The following PKNOX2 variants were observed in gnomAD, a reference collection of about 807,000 sequenced individuals.
PKNOX2 encodes the protein PBX/knotted 1 homeobox 2.
PKNOX2 carries 14 observed loss-of-function variants against 53.1 expected under a neutral mutation model. The observed-to-expected ratio is 0.26, with a 90% CI of 0.17 to 0.41. PKNOX2 has a LOEUF of 0.41. Among genes scored for constraint, PKNOX2 ranks in the 10% least tolerant of loss-of-function variants. The probability of loss-of-function intolerance (pLI) is 1.00; values close to 1 mark genes in which losing one functional copy is unlikely to be tolerated. For missense variants in PKNOX2, 496 were observed against 602.8 expected (o/e 0.82, Z 1.85); for synonymous variants, 257 against 242.8 (o/e 1.06, Z -0.54).
At chr11:125,219,579 A>T (rs570507935) in intron 1 of PKNOX2, among the ~76,000 whole-genome samples, 7 of 152,260 alleles carry the variant, frequency 4.6e-5, no homozygotes, top group Non-Finnish European at 4.4e-5. Context: ...ACAACCCAGT[A>T]GAAAAAATAA....
chr11:125,239,074 CT>C (rs1358219030), intron 2 of PKNOX2, among the ~76,000 whole-genome samples: 3 of 152,212 alleles, frequency 2.0e-5, no homozygotes, highest in African/African-American at 7.2e-5. Context: ...CAGCCATTCA[CT>C]CGCCCAGTAA....
intron 8 of PKNOX2, chr11:125,410,544 A>G: frequency 7.1e-6 from 5 of 705,042 alleles, no homozygotes; most frequent in Non-Finnish European, 1.2e-5. Context: ...TGAGCCCCTG[A>G]GAGGACCAAG....
intron 2 of PKNOX2, among the ~76,000 whole-genome samples, chr11:125,290,855 G>C (rs12806323): frequency 0.16 from 23,940 of 151,858 alleles, 2,007 homozygotes; most frequent in East Asian, 0.23. Flanking sequence ...GGAGGGTGCC[G>C]AGCTCCACTG....
At chr11:125,406,886 T>C (rs1490052935) in intron 7 of PKNOX2, among the ~76,000 whole-genome samples, 1 of 123,542 alleles carries the variant, frequency 8.1e-6, no homozygotes, top group Non-Finnish European at 1.6e-5. Flanking sequence ...TGGGTGAGGG[T>C]CTTGACCCAG....
intron 2 of PKNOX2, among the ~76,000 whole-genome samples, chr11:125,313,093 T>C (rs1274280302): frequency 2.0e-5 from 3 of 151,768 alleles, no homozygotes; most frequent in Non-Finnish European, 4.4e-5. Flanking sequence ...GCAGAGAGTG[T>C]TTACGGGGCA....
At chr11:125,249,886 A>G (rs1327026425) in intron 2 of PKNOX2, among the ~76,000 whole-genome samples, 1 of 152,212 alleles carries the variant, frequency 6.6e-6, no homozygotes, top group Middle Eastern at 3.4e-3. Flanking sequence ...CTTGATCAAC[A>G]TGGTGAAACC....
chr11:125,196,715 C>T (rs1005663952), intron 1 of PKNOX2, among the ~76,000 whole-genome samples: 2 of 152,194 alleles, frequency 1.3e-5, no homozygotes, highest in African/African-American at 4.8e-5. Flanking sequence ...AGAACAAAGG[C>T]ATTGGACTCG....
In PKNOX2 at chr11:125,410,234, C is replaced by T. The variant is rs761780347; in HGVS notation, c.627C>T (p.Val209=). Reference sequence around the variant, plus strand: ...ATTCCCCCAATTCCATGTCCGGAGTCTCCAATAACCCCCAGGGGATTGTGG... The same window carrying T: ...ATTCCCCCAATTCCATGTCCGGAGTTTCCAATAACCCCCAGGGGATTGTGG... The part of the protein sequence containing the change: ...LQNSPNSMSG[V]SNNPQGIVVP... Residue 209 remains valine, a synonymous_variant, in exon 8 of 13, where the codon GTC becomes GTT. Coordinates refer to ENST00000298282, the MANE Select transcript of PKNOX2 (RefSeq NM_001382323.2). 1.2e-6 allele frequency: 2 copies of T among 1,614,054 alleles called. No homozygotes were observed. The highest frequency in any genetic ancestry group is 1.7e-5 in the Admixed American group (1 of 60,014).
chr11:125,292,574 T>C (rs1307435450), intron 2 of PKNOX2, among the ~76,000 whole-genome samples: 2 of 152,194 alleles, frequency 1.3e-5, no homozygotes, highest in Non-Finnish European at 2.9e-5. Flanking sequence ...CATTTGTGTA[T>C]CCTTGGCTCT....
chr11:125,357,380 A>G (rs539137218), intron 4 of PKNOX2, among the ~76,000 whole-genome samples: 2 of 152,320 alleles, frequency 1.3e-5, no homozygotes, highest in African/African-American at 2.4e-5. Flanking sequence ...GCATGGCTTT[A>G]AACTTGGGAA....
Position 125,165,897 on chromosome 11 carries a change from G to A in PKNOX2, c.-201+1121G>A, listed in dbSNP as rs1954834109. Among the ~76,000 whole-genome samples, 1 of 152,160 alleles carries A rather than the reference G, an allele frequency of 6.6e-6. No individual in the cohort carries two copies. The highest frequency in any genetic ancestry group is 6.5e-5 in the Admixed American group (1 of 15,288). ...TGCATTTCTTTCGGGTTAGGAGACG[G>A]GCTTTCCTGGCTCCCGATCCCCAGG... On this transcript the variant is annotated intron_variant, in intron 1 of 12. Coordinates refer to ENST00000298282, the MANE Select transcript of PKNOX2 (RefSeq NM_001382323.2). The surrounding 1 kb of genome is among the most constrained non-coding windows in gnomAD (Gnocchi z 4.5).
At chr11:125,297,134 G>C (rs903057340) in intron 2 of PKNOX2, among the ~76,000 whole-genome samples, 18 of 152,194 alleles carry the variant, frequency 1.2e-4, no homozygotes, top group African/African-American at 4.3e-4. Context: ...CTGCACTTAT[G>C]TCATTTACTT....
At chr11:125,262,036 A>G (rs1944891803) in intron 2 of PKNOX2, among the ~76,000 whole-genome samples, 1 of 152,234 alleles carries the variant, frequency 6.6e-6, no homozygotes, top group South Asian at 2.1e-4. Flanking sequence ...GCAACCAACT[A>G]TTTTAGGGCA....
chr11:125,361,955 A>G (rs1253130993), intron 4 of PKNOX2, among the ~76,000 whole-genome samples: 1 of 152,228 alleles, frequency 6.6e-6, no homozygotes, highest in African/African-American at 2.4e-5. Context: ...ACCTTCGATT[A>G]ATAAACCAGC....
intron 2 of PKNOX2, among the ~76,000 whole-genome samples, chr11:125,246,746 C>T (rs898360436): frequency 1.3e-4 from 20 of 152,148 alleles, no homozygotes; most frequent in African/African-American, 4.8e-4. Context: ...GGACTCAAGA[C>T]ATCACTGTGC....
At chr11:125,334,266 C>T (rs893876345) in intron 3 of PKNOX2, among the ~76,000 whole-genome samples, 20 of 152,172 alleles carry the variant, frequency 1.3e-4, no homozygotes, top group Admixed American at 3.9e-4. Flanking sequence ...ATGCTGATAT[C>T]CTCTGAGGTG....
intron 2 of PKNOX2, among the ~76,000 whole-genome samples, chr11:125,247,934 G>A (rs1238867563): frequency 6.6e-6 from 1 of 152,062 alleles, no homozygotes; most frequent in African/African-American, 2.4e-5. Context: ...CTTCCACAAA[G>A]TCTTCTTAAG....
chr11:125,351,433 G>T, intron 4 of PKNOX2, 41 bp downstream of exon 4: 1 of 1,291,446 alleles, frequency 7.7e-7, no homozygotes, highest in South Asian at 1.2e-5. Flanking sequence ...ACGGGGGAGG[G>T]AGTGTGGTGG....
chr11:125,206,716 G>A (rs1055758169), intron 1 of PKNOX2, among the ~76,000 whole-genome samples: 1 of 152,090 alleles, frequency 6.6e-6, no homozygotes, highest in Non-Finnish European at 1.5e-5. Context: ...GAGATGTTGT[G>A]AGGACTGAGT....
Sources: gnomAD v4.1 joint callset for allele counts (sites outside exome capture counted in the v4.1 genomes callset) on GRCh38, gnomAD v4.1.1 for gene constraint, Gnocchi (gnomAD v3.1) non-coding constraint, MANE v1.5 for transcripts, NCBI Gene and HGNC (gene_info 2026-07-23, HGNC 2026-07-21) for gene names.